The following DLG2 variants were observed in gnomAD, a reference collection of about 807,000 sequenced individuals.
DLG2 encodes the protein discs large MAGUK scaffold protein 2.
Under a neutral mutation model 132.5 loss-of-function variants are expected in DLG2, and 45 were observed. That is an observed-to-expected ratio of 0.34 (90% CI 0.27 to 0.44). The LOEUF (loss-of-function observed/expected upper bound fraction) is 0.44, where lower values mean the gene tolerates loss of function less well. DLG2 is among the 20% of genes least tolerant of loss of function. DLG2 has a pLI of 1.00. For synonymous variants in DLG2, 424 were observed against 419.6 expected (o/e 1.01, Z -0.13); for missense variants, 1,045 against 1,196.9 (o/e 0.87, Z 1.87).
In DLG2 at chr11:83,931,425, C is replaced by A. The variant is rs989936431; in HGVS notation, c.1341-942G>T. 4.6e-5 allele frequency among the ~76,000 whole-genome samples: 7 copies of A among 152,270 alleles called. 1 individual carries two copies. The highest frequency in any genetic ancestry group is 1.7e-4 in the African/African-American group (7 of 41,550). On this transcript the variant is annotated intron_variant, in intron 14 of 27. Coordinates refer to ENST00000376104, the MANE Select transcript of DLG2 (RefSeq NM_001142699.3). ...TTGTTTCTGCCTGGGAGGGCTGATC[C>A]AATTTTCTCAGTCTGATGTTGACTC...
At chr11:85,152,618 T>A (rs1027723568) in intron 5 of DLG2, among the ~76,000 whole-genome samples, 1 of 152,194 alleles carries the variant, frequency 6.6e-6, no homozygotes, top group Non-Finnish European at 1.5e-5. Context: ...AGTCTCTCAC[T>A]TTAGATTAGG....
At chr11:84,781,067 G>GTGTA (rs1279917589) in intron 6 of DLG2, among the ~76,000 whole-genome samples, 4 of 150,032 alleles carry the variant, frequency 2.7e-5, no homozygotes, top group Admixed American at 6.7e-5. Flanking sequence ...ATGTGTGTGT[G>GTGTA]TGTGTGTGTG....
chr11:85,609,473 G>A (rs1173444491), intron 2 of DLG2, among the ~76,000 whole-genome samples: 2 of 152,176 alleles, frequency 1.3e-5, no homozygotes, highest in African/African-American at 4.8e-5. Context: ...GGTTCAAAGA[G>A]GTCAGAAAAT....
intron 15 of DLG2, among the ~76,000 whole-genome samples, chr11:83,890,915 G>A (rs1209450536): frequency 6.6e-6 from 1 of 152,130 alleles, no homozygotes; most frequent in African/African-American, 2.4e-5. Context: ...CAACTTCCAT[G>A]CTTCTAGCTG....
At chr11:84,295,055 A>G (rs891291893) in intron 7 of DLG2, among the ~76,000 whole-genome samples, 11 of 152,202 alleles carry the variant, frequency 7.2e-5, no homozygotes, top group Admixed American at 5.9e-4. Context: ...CTGTATAATT[A>G]CCTAAATAAG....
At chr11:85,482,356 T>C (rs1376693718) in intron 3 of DLG2, among the ~76,000 whole-genome samples, 1 of 152,054 alleles carries the variant, frequency 6.6e-6, no homozygotes, top group East Asian at 1.9e-4. Flanking sequence ...CACCAAGACC[T>C]AAGCTCCAGG....
At chr11:84,799,256 C>A (rs545965077) in intron 6 of DLG2, among the ~76,000 whole-genome samples, 1 of 152,304 alleles carries the variant, frequency 6.6e-6, no homozygotes, top group South Asian at 2.1e-4. Flanking sequence ...GGGAAGGGCT[C>A]TTCCTCTCTT....
chr11:83,587,799 C>T (rs1021764287), intron 19 of DLG2, among the ~76,000 whole-genome samples: 6 of 152,092 alleles, frequency 3.9e-5, no homozygotes, highest in African/African-American at 7.2e-5. Flanking sequence ...GTGCGCGAGC[C>T]GAAGCAGGGC....
chr11:83,526,931 C>T (rs1464945297), intron 21 of DLG2, among the ~76,000 whole-genome samples: 1 of 152,102 alleles, frequency 6.6e-6, no homozygotes, highest in Non-Finnish European at 1.5e-5. Flanking sequence ...TCATTCTGTC[C>T]CCCAGAAGAC....
chr11:84,383,025 T>C (rs1358821752), intron 7 of DLG2, among the ~76,000 whole-genome samples: 1 of 152,010 alleles, frequency 6.6e-6, no homozygotes, highest in African/African-American at 2.4e-5. Flanking sequence ...CAGAATAGCA[T>C]TTGTACCATG....
intron 10 of DLG2, 89 bp from the exon 11 acceptor site, chr11:84,059,573 G>A: frequency 9.8e-7 from 1 of 1,015,492 alleles, no homozygotes; most frequent in Non-Finnish European, 1.4e-6. Context: ...TTAAGAAGTG[G>A]GAAAGTAAAG....
chr11:84,072,644 C>G (rs2096774286), intron 10 of DLG2, among the ~76,000 whole-genome samples: 1 of 152,158 alleles, frequency 6.6e-6, no homozygotes, highest in Non-Finnish European at 1.5e-5. Flanking sequence ...GAGCACAGAT[C>G]AAGTCTTGAA....
At chr11:83,877,905 T>C (rs10898165) in intron 15 of DLG2, among the ~76,000 whole-genome samples, 57,567 of 152,006 alleles carry the variant, frequency 0.38, 11,081 homozygotes, top group South Asian at 0.51. Context: ...CAAACATTTT[T>C]CCCTTCGGAC....
At chr11:84,766,512 C>A (rs1420914947) in intron 6 of DLG2, among the ~76,000 whole-genome samples, 1 of 152,004 alleles carries the variant, frequency 6.6e-6, no homozygotes, top group Non-Finnish European at 1.5e-5. Flanking sequence ...TATGTACAAA[C>A]AGAATATCAG....
At chr11:84,957,811 T>C (rs989857151) in intron 6 of DLG2, among the ~76,000 whole-genome samples, 7 of 152,202 alleles carry the variant, frequency 4.6e-5, no homozygotes, top group Admixed American at 4.6e-4. Flanking sequence ...CTCTCACCAT[T>C]GTCATGGTAT....
intron 6 of DLG2, among the ~76,000 whole-genome samples, chr11:84,535,053 C>T (rs2099352110): frequency 6.6e-6 from 1 of 152,144 alleles, no homozygotes; most frequent in Non-Finnish European, 1.5e-5. Context: ...GGAGGTAACC[C>T]TCCTGACCAG....
At chr11:84,999,637 G>C (rs996471750) in intron 6 of DLG2, among the ~76,000 whole-genome samples, 13 of 152,100 alleles carry the variant, frequency 8.5e-5, no homozygotes, top group Non-Finnish European at 1.9e-4. Context: ...GTCTGTTTTT[G>C]TGGTTTTTAA....
rs557965041 is a variant in DLG2 at position 83,483,225 on chromosome 11, G to A, written c.2293+904C>T. The A allele has an allele frequency of 2.4e-4, 387 of 1,602,772 alleles. 2 individuals are homozygous for A. The South Asian group carries it at 4.0e-3, about 17-fold the overall frequency. On this transcript the variant is annotated intron_variant, in intron 22 of 27. Coordinates refer to ENST00000376104, the MANE Select transcript of DLG2 (RefSeq NM_001142699.3). The stretch of plus-strand genomic sequence containing the variant: ...AAAAGGAAAGGAAAAGAAAAGAAAA[G>A]TTACAGTGACCATTCCTGGAAACTT...
intron 4 of DLG2, among the ~76,000 whole-genome samples, chr11:85,221,353 G>A (rs541291823): frequency 4.0e-4 from 61 of 152,028 alleles, no homozygotes; most frequent in African/African-American, 1.3e-3. Context: ...CACCGCTCCC[G>A]GCCTCAAACT....
Sources: gnomAD v4.1 joint callset for allele counts (sites outside exome capture counted in the v4.1 genomes callset) on GRCh38, gnomAD v4.1.1 for gene constraint, MANE v1.5 for transcripts, NCBI Gene and HGNC (gene_info 2026-07-23, HGNC 2026-07-21) for gene names.